Variants in NELL1 observed in about 807,000 individuals in gnomAD.
NELL1 encodes neural EGFL like 1.
NELL1 carries 76 observed loss-of-function variants against 107.4 expected under a neutral mutation model. The ratio of observed to expected loss-of-function variants is 0.71; its 90% CI spans 0.59 to 0.86. The LOEUF is 0.86. Among genes scored for constraint, NELL1 ranks in the 40% least tolerant of loss-of-function variants. The pLI, the probability that NELL1 is intolerant of heterozygous loss-of-function variation, is 0.00. For missense variants in NELL1, 1,024 were observed against 1,005.5 expected (o/e 1.02, Z -0.25); for synonymous variants, 353 against 341.2 (o/e 1.03, Z -0.38).
chr11:21,293,552 A>G (rs866006608), intron 14 of NELL1, among the ~76,000 whole-genome samples: 62 of 152,278 alleles, frequency 4.1e-4, no homozygotes, highest in Non-Finnish European at 3.5e-4. Context: ...AACCAGAAAT[A>G]CCATTTGACC....
intron 13 of NELL1, among the ~76,000 whole-genome samples, chr11:21,225,975 A>G (rs1282825293): frequency 6.6e-6 from 1 of 152,206 alleles, no homozygotes; most frequent in Non-Finnish European, 1.5e-5. Flanking sequence ...CAATTGGCAA[A>G]CCAGGATCTT....
chr11:21,279,939 A>G (rs934285897), intron 14 of NELL1, among the ~76,000 whole-genome samples: 8 of 152,330 alleles, frequency 5.3e-5, no homozygotes, highest in African/African-American at 1.4e-4. Flanking sequence ...TAAATGCACA[A>G]TACTAGGTGA....
intron 16 of NELL1, among the ~76,000 whole-genome samples, chr11:21,537,587 C>CT: frequency 1.3e-5 from 2 of 152,190 alleles, no homozygotes; most frequent in East Asian, 1.9e-4. Flanking sequence ...ACTTTTATAT[C>CT]TTTTTAGCAT....
intron 7 of NELL1, 171 bp from the exon 8 acceptor site, chr11:20,927,137 C>T: frequency 1.7e-6 from 1 of 576,774 alleles, no homozygotes; most frequent in South Asian, 2.3e-5. Flanking sequence ...AGTGATTCCA[C>T]CTTGTGTAAA....
chr11:21,532,645 A>G (rs1322450551), intron 15 of NELL1, among the ~76,000 whole-genome samples: 1 of 152,056 alleles, frequency 6.6e-6, no homozygotes, highest in African/African-American at 2.4e-5. Context: ...GTCTGTGTTA[A>G]TCATGACTGG....
At chr11:20,823,099 T>C (rs1857796018) in intron 3 of NELL1, among the ~76,000 whole-genome samples, 1 of 151,632 alleles carries the variant, frequency 6.6e-6, no homozygotes, top group Non-Finnish European at 1.5e-5. Flanking sequence ...CAGCTGCTGA[T>C]AAAGGCATAC....
chr11:21,268,518 G>A (rs1848678605), intron 14 of NELL1, among the ~76,000 whole-genome samples: 1 of 152,082 alleles, frequency 6.6e-6, no homozygotes, highest in Admixed American at 6.6e-5. Flanking sequence ...TCCACATGGG[G>A]GAAGAAAAAT....
intron 13 of NELL1, among the ~76,000 whole-genome samples, chr11:21,191,213 T>G (rs1023213814): frequency 5.3e-5 from 8 of 151,760 alleles, no homozygotes; most frequent in Non-Finnish European, 7.4e-5. Flanking sequence ...ATAGTTATAT[T>G]GTCCTGGATT....
At chr11:20,984,530 C>T (rs12292439) in intron 12 of NELL1, among the ~76,000 whole-genome samples, 1 of 152,148 alleles carries the variant, frequency 6.6e-6, no homozygotes, top group Admixed American at 6.5e-5. Context: ...TTTCTTCTTT[C>T]CTCCCATCCT....
chr11:20,855,002 C>A (rs1013668099), intron 4 of NELL1, among the ~76,000 whole-genome samples: 18 of 152,174 alleles, frequency 1.2e-4, no homozygotes, highest in African/African-American at 4.3e-4. Flanking sequence ...GCAGCCTGAC[C>A]ATTACAGTGT....
chr11:21,264,071 G>GGGGTGTGTGTGTGTGTGT (rs1554989861), intron 14 of NELL1, among the ~76,000 whole-genome samples: 9 of 139,532 alleles, frequency 6.5e-5, no homozygotes, highest in Middle Eastern at 3.6e-3. Context: ...TCTACAATGG[G>GGGGTGTGTGTGTGTGTGT]GTGTGTGTGT....
At position 21,489,980 on chromosome 11, in the gene NELL1, C is replaced by A. The variant is rs542720669; in HGVS notation, c.1646-44394C>A. ...CAGACAAGAAAAAGAAAAAAAATAT[C>A]CACATCAGAAGAGAGGAAGTCAGAT... On this transcript the variant is annotated intron_variant, in intron 15 of 19. Coordinates refer to ENST00000357134, the MANE Select transcript of NELL1 (RefSeq NM_006157.5). Among the ~76,000 whole-genome samples, 7 of 152,092 alleles carry A rather than the reference C, an allele frequency of 4.6e-5. No individual in the cohort carries two copies. The South Asian group carries it at 1.5e-3, about 32-fold the overall frequency.
chr11:20,675,060 G>A (rs997261367), intron 1 of NELL1, among the ~76,000 whole-genome samples: 4 of 152,238 alleles, frequency 2.6e-5, no homozygotes, highest in East Asian at 1.9e-4. Flanking sequence ...TAGGCTGCCC[G>A]CTCCACATGT....
intron 14 of NELL1, among the ~76,000 whole-genome samples, chr11:21,247,542 G>A (rs933359650): frequency 6.6e-6 from 1 of 152,066 alleles, no homozygotes; most frequent in Admixed American, 6.6e-5. Flanking sequence ...TCCCGTTAGA[G>A]GGTCTTCAGG....
At chr11:21,395,955 A>G (rs978636250) in intron 15 of NELL1, among the ~76,000 whole-genome samples, 1 of 151,646 alleles carries the variant, frequency 6.6e-6, no homozygotes, top group South Asian at 2.1e-4. Flanking sequence ...CATGTAACCT[A>G]GAGAGACCAA....
chr11:20,733,425 C>A (rs12282820), intron 2 of NELL1, among the ~76,000 whole-genome samples: 24,493 of 152,114 alleles, frequency 0.16, 2,320 homozygotes, highest in East Asian at 0.33. Flanking sequence ...TGAGCTCAAG[C>A]TGGACCATGC....
intron 2 of NELL1, among the ~76,000 whole-genome samples, chr11:20,732,876 T>A (rs1001552398): frequency 1.3e-5 from 2 of 152,176 alleles, no homozygotes; most frequent in African/African-American, 4.8e-5. Flanking sequence ...GTAAGTCATT[T>A]ATTGAAATGC....
At chr11:20,785,803 T>C (rs548875892) in intron 3 of NELL1, among the ~76,000 whole-genome samples, 28 of 152,250 alleles carry the variant, frequency 1.8e-4, no homozygotes, top group South Asian at 1.5e-3. Flanking sequence ...GCATGGTGAG[T>C]GGCCATCCCT....
At position 21,217,008 on chromosome 11, in the gene NELL1, T is replaced by C. The variant is rs555011803; in HGVS notation, c.1427-12324T>C. 3.9e-5 allele frequency among the ~76,000 whole-genome samples: 6 copies of C among 152,272 alleles called. No individual in the cohort carries two copies. The South Asian group carries it at 1.2e-3, about 32-fold the overall frequency. On this transcript the variant is annotated intron_variant, in intron 13 of 19. Transcript: ENST00000357134. ...TAGTTCCCATAATGCCTATGTGTTG[T>C]AGGAGGGACCCAGTGGGAAGTAATT...
Sources: allele counts gnomAD v4.1 joint callset (sites outside exome capture counted in the v4.1 genomes callset), GRCh38; gene constraint gnomAD v4.1.1; transcripts MANE v1.5; gene names NCBI Gene and HGNC (gene_info 2026-07-23, HGNC 2026-07-21).